The following XKR6 variants were observed in gnomAD, a reference collection of about 807,000 sequenced individuals.
XKR6 encodes XK-related protein 6.
XKR6 carries 22 observed loss-of-function variants against 56.7 expected under a neutral mutation model. The observed-to-expected ratio is 0.39, with a 90% CI of 0.28 to 0.55. XKR6 has a LOEUF of 0.55. Ranked by LOEUF, XKR6 falls within the 20% of genes least tolerant of loss-of-function variation. XKR6 has a pLI of 0.66. For missense variants in XKR6, 852 were observed against 889.0 expected (o/e 0.96, Z 0.53); for synonymous variants, 524 against 387.8 (o/e 1.35, Z -4.13).
intron 1 of XKR6, among the ~76,000 whole-genome samples, chr8:10,976,270 T>C (rs1037051535): frequency 2.6e-5 from 4 of 151,640 alleles, no homozygotes; most frequent in Non-Finnish European, 4.4e-5. Flanking sequence ...GTTGAATGAG[T>C]GACTGATTGT....
At position 11,056,864 on chromosome 8, in the gene XKR6, C is replaced by A. The variant is rs144214351; in HGVS notation, c.765-132034G>T. 2.6e-3 allele frequency among the ~76,000 whole-genome samples: 398 copies of A among 152,312 alleles called. 2 individuals carry two copies. Among genetic ancestry groups the A allele is most frequent in the African/African-American group, 9.4e-3 (390 of 41,574 alleles). On this transcript the variant is annotated intron_variant, in intron 1 of 2. Transcript: ENST00000416569. The stretch of plus-strand genomic sequence containing the variant: ...CAGGGGATCAGCTGGGAGGATGCAG[C>A]TCTCTTGGCCCCTTTCAGGCCTCTA...
rs560705074 is a variant in XKR6 at position 11,162,813 on chromosome 8, T to G, written c.764+37763A>C. The stretch of plus-strand genomic sequence containing the variant: ...AGAACTTTGTAAGAAGCCGAAGTGT[T>G]TCAATTTAAGCCATTACCACTAACA... On this transcript the variant is annotated intron_variant, in intron 1 of 2. Coordinates refer to ENST00000416569, the MANE Select transcript of XKR6 (RefSeq NM_173683.4). Among the ~76,000 whole-genome samples the G allele has an allele frequency of 8.2e-4, 125 of 152,344 alleles. 1 individual carries two copies. The highest frequency in any genetic ancestry group is 3.0e-3 in the African/African-American group (123 of 41,590).
In XKR6 at chr8:10,908,765, G is replaced by C. The variant is rs184233376; in HGVS notation, c.962-9849C>G. On this transcript the variant is annotated intron_variant, in intron 2 of 2. Transcript: ENST00000416569. ...ATTACAGCATTGTGTTAAGAGGTGG[G>C]GCCTTCAAGAGGTGGTTAGGCCATG... Among the ~76,000 whole-genome samples the C allele has an allele frequency of 1.6e-4, 25 of 152,316 alleles. 1 individual carries two copies. In the East Asian group the frequency reaches 4.8e-3, roughly 29 times the overall value.
At chr8:10,955,810 A>G (rs2129128497) in intron 1 of XKR6, among the ~76,000 whole-genome samples, 1 of 152,180 alleles carries the variant, frequency 6.6e-6, no homozygotes, top group East Asian at 1.9e-4. Context: ...CAGAGGTAGG[A>G]TGAGATCCAG....
chr8:10,897,332 T>G lies in XKR6; in HGVS notation c.*620A>C, dbSNP rs1349113706. 1 of 152,588 alleles carries G rather than the reference T, an allele frequency of 6.6e-6. No individual in the cohort carries two copies. The highest frequency in any genetic ancestry group is 1.5e-5 in the Non-Finnish European group (1 of 68,046). 9.5% of individuals were successfully genotyped at this position (152,588 alleles called of 1,614,324 possible). The stretch of plus-strand genomic sequence containing the variant: ...CAAATAATCAGATAGGAAGAATAAT[T>G]GCTTTGTGTTGTATTTGTTGGTTGG... On this transcript the variant is annotated 3_prime_UTR_variant, in exon 3 of 3. Transcript: ENST00000416569.
At chr8:11,018,275 CCGGT>C (rs1181514037) in intron 1 of XKR6, among the ~76,000 whole-genome samples, 3 of 152,026 alleles carry the variant, frequency 2.0e-5, no homozygotes, top group Non-Finnish European at 2.9e-5. Context: ...CTCAAGAAGC[CCGGT>C]TCATACCCCT....
At chr8:11,193,613 T>C (rs1803703630) in intron 1 of XKR6, among the ~76,000 whole-genome samples, 1 of 152,092 alleles carries the variant, frequency 6.6e-6, no homozygotes, top group South Asian at 2.1e-4. Flanking sequence ...CAGAATTATT[T>C]CCTAAAAGAG....
intron 1 of XKR6, chr8:11,137,553 G>A: frequency 2.2e-6 from 1 of 456,268 alleles, no homozygotes. Context: ...TCACCCCAGT[G>A]TTCTGGAAGA....
intron 2 of XKR6, among the ~76,000 whole-genome samples, chr8:10,902,481 G>A (rs188509529): frequency 6.6e-5 from 10 of 152,102 alleles, no homozygotes; most frequent in African/African-American, 1.7e-4. Context: ...GCCATGTCGC[G>A]CTGCTCCCAC....
At chr8:11,174,845 C>G (rs984154400) in intron 1 of XKR6, among the ~76,000 whole-genome samples, 2 of 152,156 alleles carry the variant, frequency 1.3e-5, no homozygotes, top group Non-Finnish European at 2.9e-5. Flanking sequence ...TCAACGGACC[C>G]CTTCACCTTT....
At chr8:11,170,122 T>C (rs554690422) in intron 1 of XKR6, among the ~76,000 whole-genome samples, 3 of 152,326 alleles carry the variant, frequency 2.0e-5, no homozygotes, top group South Asian at 2.1e-4. Flanking sequence ...GAGTGCTAAA[T>C]TGCTGCCCTT....
intron 1 of XKR6, among the ~76,000 whole-genome samples, chr8:11,027,118 G>T (rs1442737556): frequency 6.6e-6 from 1 of 152,208 alleles, no homozygotes; most frequent in African/African-American, 2.4e-5. Context: ...GTTGCTCCTA[G>T]GCTACAAACC....
At chr8:10,943,777 C>T (rs556818485) in intron 1 of XKR6, among the ~76,000 whole-genome samples, 2 of 152,252 alleles carry the variant, frequency 1.3e-5, no homozygotes, top group South Asian at 4.1e-4. Flanking sequence ...AGTGCTTTTA[C>T]GCCAGGGCAC....
At chr8:11,108,424 A>G (rs1429961558) in intron 1 of XKR6, 1 of 435,698 alleles carries the variant, frequency 2.3e-6, no homozygotes, top group Non-Finnish European at 4.5e-6. Context: ...CTTAGGGAGA[A>G]AATCTTCATA....
intron 1 of XKR6, among the ~76,000 whole-genome samples, chr8:11,158,542 C>T (rs995041958): frequency 1.1e-4 from 17 of 152,168 alleles, no homozygotes; most frequent in Non-Finnish European, 1.5e-5. Context: ...TATGGAGCAA[C>T]TAAAAACCTT....
At chr8:11,171,679 AC>A (rs1296253805) in intron 1 of XKR6, among the ~76,000 whole-genome samples, 1 of 152,310 alleles carries the variant, frequency 6.6e-6, no homozygotes, top group East Asian at 1.9e-4. Context: ...TGAGGCCCTC[AC>A]TGGAAACAGA....
intron 1 of XKR6, among the ~76,000 whole-genome samples, chr8:11,013,765 G>T (rs1265792337): frequency 1.3e-5 from 2 of 152,214 alleles, no homozygotes; most frequent in African/African-American, 4.8e-5. Flanking sequence ...TTGGCAGAAT[G>T]AATTAAACAA....
intron 1 of XKR6, among the ~76,000 whole-genome samples, chr8:10,997,920 C>G (rs1798151516): frequency 6.6e-6 from 1 of 152,144 alleles, no homozygotes; most frequent in Admixed American, 6.5e-5. Flanking sequence ...CTGAGAGACA[C>G]CTGCAGTCTC....
intron 1 of XKR6, among the ~76,000 whole-genome samples, chr8:11,168,695 T>C (rs773158536): frequency 2.0e-5 from 3 of 152,180 alleles, no homozygotes; most frequent in African/African-American, 4.8e-5. Context: ...AAAGTATTGA[T>C]AGAGAAAGTT....
Sources: gnomAD v4.1 joint callset for allele counts (sites outside exome capture counted in the v4.1 genomes callset) on GRCh38, gnomAD v4.1.1 for gene constraint, MANE v1.5 for transcripts, NCBI Gene and HGNC (gene_info 2026-07-23, HGNC 2026-07-21) for gene names.